Variants in ALK observed in about 807,000 individuals in gnomAD.
ALK encodes the protein ALK tyrosine kinase receptor.
A neutral mutation model predicts 163.1 loss-of-function variants in ALK; 74 were observed. The observed-to-expected ratio is 0.45, with a 90% CI of 0.38 to 0.55. ALK has a LOEUF of 0.55. ALK is among the 20% of genes least tolerant of loss of function. The pLI, the probability that ALK is intolerant of heterozygous loss-of-function variation, is 0.00. For synonymous variants in ALK, 960 were observed against 843.2 expected, an observed-to-expected ratio of 1.14 and a Z score of -2.40; for missense variants, 2,063 against 2,105.3, an observed-to-expected ratio of 0.98 and a Z score of 0.39.
chr2:29,388,496 ACCAT>A (rs1669086020), intron 4 of ALK, among the ~76,000 whole-genome samples: 2 of 152,312 alleles, frequency 1.3e-5, no homozygotes, highest in South Asian at 4.1e-4. Context: ...TCTCAGCTCC[ACCAT>A]CCACCACCCT....
intron 4 of ALK, among the ~76,000 whole-genome samples, chr2:29,506,254 C>T (rs1256168492): frequency 1.3e-5 from 2 of 152,132 alleles, no homozygotes; most frequent in Non-Finnish European, 2.9e-5. Context: ...ATGGTTCTTG[C>T]TTTTCTTTAT....
intron 3 of ALK, among the ~76,000 whole-genome samples, chr2:29,602,693 G>C (rs1675412974): frequency 6.6e-6 from 1 of 152,170 alleles, no homozygotes; most frequent in African/African-American, 2.4e-5. Context: ...AGGTTAAAGA[G>C]TCCTGAACCT....
At chr2:29,595,610 G>A (rs1375608821) in intron 3 of ALK, among the ~76,000 whole-genome samples, 8 of 152,246 alleles carry the variant, frequency 5.3e-5, no homozygotes, top group Non-Finnish European at 1.0e-4. Context: ...GTGAGCCGCC[G>A]CGCCCAGCCG....
intron 4 of ALK, among the ~76,000 whole-genome samples, chr2:29,394,095 A>G (rs1323524693): frequency 6.6e-6 from 1 of 152,190 alleles, no homozygotes; most frequent in African/African-American, 2.4e-5. Flanking sequence ...CACCACACTA[A>G]TTTGGCCCTA....
intron 3 of ALK, among the ~76,000 whole-genome samples, chr2:29,623,835 A>G (rs552430225): frequency 6.6e-6 from 1 of 152,386 alleles, no homozygotes; most frequent in African/African-American, 2.4e-5. Context: ...ACAATATTTG[A>G]AATAAAAATT....
At chr2:29,330,039 A>G (rs1368960739) in intron 5 of ALK, among the ~76,000 whole-genome samples, 1 of 152,168 alleles carries the variant, frequency 6.6e-6, no homozygotes. Flanking sequence ...TAGTCCAGAT[A>G]AGGCAGAGTT....
At chr2:29,393,852 G>A (rs1440698697) in intron 4 of ALK, among the ~76,000 whole-genome samples, 1 of 152,166 alleles carries the variant, frequency 6.6e-6, no homozygotes, top group East Asian at 1.9e-4. Flanking sequence ...GGAAAGACTG[G>A]TAGCTGGTGA....
In ALK at chr2:29,348,584, AG is replaced by A. The variant is rs745349605; in HGVS notation, c.1283-20104del. Among the ~76,000 whole-genome samples the A allele has an allele frequency of 2.0e-5, 3 of 152,352 alleles. No homozygotes were observed. The South Asian group carries it at 6.2e-4, about 32-fold the overall frequency. The stretch of plus-strand genomic sequence containing the variant: ...AGCTAGTGAGTAGCAGGACGAGGGC[AG>A]GACACTGATTGTTTATAGGAAAGCA... On this transcript the variant is annotated intron_variant, in intron 5 of 28. Coordinates refer to ENST00000389048, the MANE Select transcript of ALK (RefSeq NM_004304.5).
intron 11 of ALK, among the ~76,000 whole-genome samples, chr2:29,263,092 T>A (rs1489759189): frequency 7.9e-5 from 12 of 152,326 alleles, no homozygotes; most frequent in Non-Finnish European, 1.3e-4. Flanking sequence ...TTACGCATAA[T>A]GGATTTGGTT....
chr2:29,511,064 A>C (rs529970948), intron 4 of ALK, among the ~76,000 whole-genome samples: 1 of 152,104 alleles, frequency 6.6e-6, no homozygotes, highest in African/African-American at 2.4e-5. Context: ...TCTCCTTTTC[A>C]CTAATTTTAC....
intron 2 of ALK, among the ~76,000 whole-genome samples, chr2:29,708,532 C>A (rs1441003519): frequency 6.6e-6 from 1 of 152,192 alleles, no homozygotes. Context: ...TTCATCTACA[C>A]CAGGAAGGCC....
chr2:29,306,714 CTAAATTA>C lies in ALK; in HGVS notation c.1648-9664_1648-9658del, dbSNP rs1171852070. 2.0e-5 allele frequency among the ~76,000 whole-genome samples: 3 copies of C among 152,178 alleles called. No homozygotes were observed. The South Asian group carries it at 6.2e-4, about 32-fold the overall frequency. ...AAATATGCGAAATCTGACACAAATT[CTAAATTA>C]TATTTATGGGAAATAACGCTTGCTG... On this transcript the variant is annotated intron_variant, in intron 8 of 28. Coordinates refer to ENST00000389048, the MANE Select transcript of ALK (RefSeq NM_004304.5).
intron 4 of ALK, among the ~76,000 whole-genome samples, chr2:29,489,287 C>A (rs1671847106): frequency 6.6e-6 from 1 of 152,116 alleles, no homozygotes; most frequent in Non-Finnish European, 1.5e-5. Flanking sequence ...ATAAGCTCAT[C>A]CTAGGATGTT....
In ALK at chr2:29,742,961, T is replaced by G. The variant is rs76598558; in HGVS notation, c.668-25264A>C. On this transcript the variant is annotated intron_variant, in intron 1 of 28. Transcript: ENST00000389048. Reference sequence around the variant, plus strand: ...ACACTTCTTGTACTTTGGCAACGTCTCAGCCAAATATCACAATAATGGCCA... The same window carrying G: ...ACACTTCTTGTACTTTGGCAACGTCGCAGCCAAATATCACAATAATGGCCA... Among the ~76,000 whole-genome samples, 205 of 152,312 alleles carry G rather than the reference T, an allele frequency of 1.3e-3. 1 individual carries two copies. The East Asian group carries it at 0.03, about 22-fold the overall frequency.
At chr2:29,791,550 C>A (rs1346830394) in intron 1 of ALK, among the ~76,000 whole-genome samples, 1 of 152,074 alleles carries the variant, frequency 6.6e-6, no homozygotes, top group African/African-American at 2.4e-5. Context: ...ATGGGTGCAG[C>A]AAACCACCAT....
chr2:29,740,494 T>G (rs1002325228), intron 1 of ALK, among the ~76,000 whole-genome samples: 2 of 152,100 alleles, frequency 1.3e-5, no homozygotes, highest in African/African-American at 4.8e-5. Flanking sequence ...TCTCTTATCT[T>G]TGGACCATGA....
chr2:29,800,887 T>G (rs1476873393), intron 1 of ALK, among the ~76,000 whole-genome samples: 2 of 152,224 alleles, frequency 1.3e-5, no homozygotes, highest in African/African-American at 4.8e-5. Flanking sequence ...TGATGTGTGG[T>G]GACAGATCAG....
chr2:29,486,353 C>T (rs1671776454), intron 4 of ALK, among the ~76,000 whole-genome samples: 1 of 152,098 alleles, frequency 6.6e-6, no homozygotes, highest in Non-Finnish European at 1.5e-5. Context: ...ATCATTCCTG[C>T]ATTTCCAGGA....
chr2:29,349,783 T>A (rs1235706891), intron 5 of ALK, among the ~76,000 whole-genome samples: 2 of 152,202 alleles, frequency 1.3e-5, no homozygotes, highest in African/African-American at 4.8e-5. Context: ...AAACCTAGGA[T>A]GTGCCCTGCT....
Sources: gnomAD v4.1 joint callset for allele counts (sites outside exome capture counted in the v4.1 genomes callset) on GRCh38, gnomAD v4.1.1 for gene constraint, MANE v1.5 for transcripts, NCBI Gene and HGNC (gene_info 2026-07-23, HGNC 2026-07-21) for gene names.